Variants in KDM2A observed in about 807,000 individuals in gnomAD.
KDM2A encodes the protein lysine demethylase 2A.
KDM2A carries 3 observed loss-of-function variants against 137.3 expected under a neutral mutation model. The ratio of observed to expected loss-of-function variants is 0.02; its 90% confidence interval spans 0.01 to 0.06. The LOEUF (loss-of-function observed/expected upper bound fraction) is 0.06, where lower values mean the gene tolerates loss of function less well. KDM2A is among the 10% of genes least tolerant of loss of function. The probability of loss-of-function intolerance (pLI) is 1.00; values close to 1 mark genes in which losing one functional copy is unlikely to be tolerated. For missense variants in KDM2A, 738 were observed against 1,510.6 expected, an observed-to-expected ratio of 0.49 and a Z score of 8.48; for synonymous variants, 512 against 541.5, an observed-to-expected ratio of 0.95 and a Z score of 0.76.
intron 2 of KDM2A, among the ~76,000 whole-genome samples, chr11:67,127,497 G>A (rs1855756809): frequency 6.6e-6 from 1 of 151,938 alleles, no homozygotes; most frequent in Non-Finnish European, 1.5e-5. Flanking sequence ...AAGAAATTGA[G>A]AGCTTTTCTA....
intron 2 of KDM2A, among the ~76,000 whole-genome samples, chr11:67,146,927 A>G (rs893921960): frequency 6.6e-5 from 10 of 152,194 alleles, no homozygotes; most frequent in African/African-American, 2.4e-4. Context: ...TCAAAGGCAC[A>G]TAGTTTACTG....
intron 5 of KDM2A, among the ~76,000 whole-genome samples, chr11:67,190,915 A>G (rs1384441137): frequency 6.6e-6 from 1 of 152,236 alleles, no homozygotes; most frequent in Non-Finnish European, 1.5e-5. Flanking sequence ...GATTGAGTCA[A>G]TATTCAAAAA....
In KDM2A at chr11:67,231,660, T is replaced by C; in HGVS notation, c.1179T>C (p.Thr393=). The C allele has an allele frequency of 6.2e-7, 1 of 1,613,802 alleles. No homozygotes were observed. The highest frequency in any genetic ancestry group is 1.1e-5 in the South Asian group (1 of 91,052). Residue 393 remains threonine (T), a synonymous_variant, in exon 12 of 21, where the codon ACT becomes ACC. Coordinates refer to ENST00000529006, the MANE Select transcript of KDM2A (RefSeq NM_012308.3). ...TGAGCAGCAGGCGTTCTGTCCTCAC[T>C]AGCCCTGTAGCGAATGGAGTCAACC... ...RRLSSRRSVL[T]SPVANGVNLD...
intron 2 of KDM2A, among the ~76,000 whole-genome samples, chr11:67,179,052 C>T (rs1857029976): frequency 6.6e-6 from 1 of 152,182 alleles, no homozygotes; most frequent in Non-Finnish European, 1.5e-5. Context: ...GCATTCACAT[C>T]AGCACTTGTT....
intron 5 of KDM2A, among the ~76,000 whole-genome samples, chr11:67,204,576 C>T (rs1857745416): frequency 1.3e-5 from 2 of 151,438 alleles, no homozygotes; most frequent in Admixed American, 1.3e-4. Context: ...ACTGCAAGCT[C>T]CGCCTCCTGG....
intron 2 of KDM2A, among the ~76,000 whole-genome samples, chr11:67,139,496 C>G (rs908308346): frequency 4.6e-5 from 7 of 152,062 alleles, no homozygotes; most frequent in Admixed American, 1.3e-4. Context: ...TCGCCCACCT[C>G]GGCCCCCCAA....
At chr11:67,188,046 G>C (rs1857250997) in intron 5 of KDM2A, among the ~76,000 whole-genome samples, 1 of 152,070 alleles carries the variant, frequency 6.6e-6, no homozygotes, top group Non-Finnish European at 1.5e-5. Context: ...AATAATAATA[G>C]TAATTTTAAA....
chr11:67,210,467 A>G (rs1337611941), intron 6 of KDM2A, among the ~76,000 whole-genome samples: 1 of 152,244 alleles, frequency 6.6e-6, no homozygotes. Context: ...ACTATTCCAC[A>G]TGAAGCCTTT....
intron 5 of KDM2A, among the ~76,000 whole-genome samples, chr11:67,198,023 A>G (rs1590773544): frequency 6.6e-6 from 1 of 152,208 alleles, no homozygotes; most frequent in Non-Finnish European, 1.5e-5. Flanking sequence ...ATAAAAGAAC[A>G]TTTGTTTACT....
intron 12 of KDM2A, chr11:67,240,457 G>A (rs1858997823): frequency 1.8e-6 from 2 of 1,138,636 alleles, no homozygotes; most frequent in Non-Finnish European, 2.5e-6. Context: ...AGGAGAAACT[G>A]CCTGCCGGGC....
chr11:67,247,929 A>G (rs1859299542), intron 15 of KDM2A, among the ~76,000 whole-genome samples: 2 of 152,226 alleles, frequency 1.3e-5, no homozygotes, highest in Admixed American at 1.3e-4. Context: ...AATCTTCACC[A>G]CAACCCTATA....
At chr11:67,138,455 C>T (rs1856019326) in intron 2 of KDM2A, among the ~76,000 whole-genome samples, 1 of 152,032 alleles carries the variant, frequency 6.6e-6, no homozygotes, top group Non-Finnish European at 1.5e-5. Context: ...AAGTGTGCTC[C>T]CCAGACCACA....
chr11:67,141,393 G>A (rs1261038255), intron 2 of KDM2A, among the ~76,000 whole-genome samples: 4 of 151,778 alleles, frequency 2.6e-5, no homozygotes, highest in Admixed American at 1.3e-4. Context: ...TTGGCCGGGC[G>A]CGGTGGCTCA....
chr11:67,248,519 T>A (rs982849795), intron 16 of KDM2A, 149 bp downstream of exon 16: 1 of 591,028 alleles, frequency 1.7e-6, no homozygotes, highest in African/African-American at 1.9e-5. Context: ...TTTCCTTTGG[T>A]TAATTTTTAG....
intron 11 of KDM2A, among the ~76,000 whole-genome samples, chr11:67,229,482 GTTC>G (rs777254200): frequency 1.3e-5 from 2 of 152,190 alleles, no homozygotes; most frequent in Non-Finnish European, 2.9e-5. Flanking sequence ...GGGATCACAT[GTTC>G]TTATGGAATC....
intron 4 of KDM2A, 98 bp from the exon 5 acceptor site, chr11:67,181,748 A>T: frequency 1.1e-6 from 1 of 899,414 alleles, no homozygotes. Context: ...TGTGAATATT[A>T]CTGTGTCTGG....
rs1437484688 is a variant in KDM2A, at chr11:67,213,209, C to T, written c.487-2131C>T. On this transcript the variant is annotated intron_variant, in intron 6 of 20. Coordinates refer to ENST00000529006, the MANE Select transcript of KDM2A (RefSeq NM_012308.3). ...ACAACTTTATGCATTTGTCTCCATT[C>T]ACATTATAAGGGAAGTAAGTGATCA... 3.3e-5 allele frequency among the ~76,000 whole-genome samples: 5 copies of T among 152,178 alleles called. No individual in the cohort carries two copies. The South Asian group carries it at 1.0e-3, about 31-fold the overall frequency.
chr11:67,194,289 TG>T (rs1272893856), intron 5 of KDM2A, among the ~76,000 whole-genome samples: 2 of 152,192 alleles, frequency 1.3e-5, no homozygotes, highest in Non-Finnish European at 2.9e-5. Context: ...GGAGGGTGGT[TG>T]CTTTACCCCC....
chr11:67,230,726 T>A (rs1858685439), intron 11 of KDM2A, among the ~76,000 whole-genome samples: 1 of 152,170 alleles, frequency 6.6e-6, no homozygotes, highest in Non-Finnish European at 1.5e-5. Context: ...TCAGTTGTTA[T>A]CGTAGGATGG....
Sources: allele counts gnomAD v4.1 joint callset (sites outside exome capture counted in the v4.1 genomes callset), GRCh38; gene constraint gnomAD v4.1.1; transcripts MANE v1.5; gene names NCBI Gene and HGNC (gene_info 2026-07-23, HGNC 2026-07-21).